NDFIP2: variants seen among roughly 807,000 people sequenced by gnomAD.
NDFIP2 encodes the protein NEDD4 family-interacting protein 2.
Under a neutral mutation model 36.0 loss-of-function variants are expected in NDFIP2, and 19 were observed. The observed-to-expected ratio is 0.53, with a 90% confidence interval of 0.37 to 0.77. The LOEUF (loss-of-function observed/expected upper bound fraction) is 0.77. Among genes scored for constraint, NDFIP2 ranks in the 30% least tolerant of loss-of-function variants. The pLI, the probability that NDFIP2 is intolerant of heterozygous loss-of-function variation, is 0.00. For missense variants in NDFIP2, 446 were observed against 435.8 expected (o/e 1.02, Z -0.21); for synonymous variants, 181 against 167.7 (o/e 1.08, Z -0.61).
At chr13:79,507,850 G>A (rs1289653357) in intron 1 of NDFIP2, among the ~76,000 whole-genome samples, 3 of 150,964 alleles carry the variant, frequency 2.0e-5, no homozygotes, top group Admixed American at 2.0e-4. Context: ...TTTAAGAAAT[G>A]AAATAAAGTT....
intron 4 of NDFIP2, among the ~76,000 whole-genome samples, chr13:79,543,292 A>G (rs117750691): frequency 6.6e-6 from 1 of 152,384 alleles, no homozygotes; most frequent in Non-Finnish European, 1.5e-5. Flanking sequence ...TTATAACTGC[A>G]GTTACAACCA....
chr13:79,539,803 G>A, intron 4 of NDFIP2, 28 bp downstream of exon 4: 1 of 1,597,740 alleles, frequency 6.3e-7, no homozygotes, highest in South Asian at 1.1e-5. Flanking sequence ...ACTATTTTGG[G>A]TTGTTTTTAT....
intron 1 of NDFIP2, among the ~76,000 whole-genome samples, chr13:79,508,790 C>G (rs1873965698): frequency 6.6e-6 from 1 of 152,166 alleles, no homozygotes; most frequent in African/African-American, 2.4e-5. Context: ...TTACCCAGTT[C>G]CTATTCAAGA....
rs1353210363 is a variant in NDFIP2, at chr13:79,507,531, C to G, written c.322-13279C>G. On this transcript the variant is annotated intron_variant, in intron 1 of 7. Coordinates refer to ENST00000218652, the MANE Select transcript of NDFIP2 (RefSeq NM_019080.3). ...CCTCGTGATCCGCCCGCCTCGGCCT[C>G]CCAAAGTGCTGGGATTACAGGCGTG... is the stretch of plus-strand genomic sequence containing the variant. Among the ~76,000 whole-genome samples the G allele has an allele frequency of 4.1e-5, 3 of 73,474 alleles. 1 individual carries two copies. The highest frequency in any genetic ancestry group is 6.7e-5 in the Non-Finnish European group (3 of 44,550). The allele number at this position is 73,474 out of a possible 152,430, so 48.2% of individuals were successfully genotyped here.
At chr13:79,533,549 T>TACTAAAAACA in intron 3 of NDFIP2, 93 bp downstream of exon 3, 1 of 1,211,722 alleles carries the variant, frequency 8.3e-7, no homozygotes, top group Non-Finnish European at 1.1e-6. Flanking sequence ...TGTGTGTAAG[T>TACTAAAAACA]GTGTATGTAG....
At chr13:79,520,748 G>C in intron 1 of NDFIP2, 62 bp from the exon 2 acceptor site, 1 of 1,444,564 alleles carries the variant, frequency 6.9e-7, no homozygotes, top group Non-Finnish European at 9.3e-7. Flanking sequence ...GATAAAATCA[G>C]CTTAAAATTT....
Position 79,552,550 on chromosome 13 carries a change from T to C in NDFIP2, c.*37T>C, listed in dbSNP as rs183469703. 2.0e-5 allele frequency: 3 copies of C among 152,014 alleles called. No homozygotes were observed. The highest frequency in any genetic ancestry group is 7.2e-5 in the African/African-American group (3 of 41,524). 9.4% of individuals were successfully genotyped at this position (152,014 alleles called of 1,614,324 possible). A position where few individuals can be genotyped will look rare whatever the true frequency, so the allele number is the denominator to read the frequency against. On this transcript the variant is annotated 3_prime_UTR_variant, in exon 8 of 8. Transcript: ENST00000218652. Reference sequence around the variant, plus strand: ...ACCCGACATTCCTTTCTTATACCAATGTGAAATTTCCAGATCATCTGTAAA... The same window carrying C: ...ACCCGACATTCCTTTCTTATACCAACGTGAAATTTCCAGATCATCTGTAAA...
intron 1 of NDFIP2, among the ~76,000 whole-genome samples, chr13:79,513,861 A>G (rs191873228): frequency 1.3e-3 from 199 of 152,298 alleles, no homozygotes; most frequent in African/African-American, 4.6e-3. Flanking sequence ...GGTAAATAGA[A>G]TTTTGAAGAG....
At chr13:79,506,700 C>A (rs1383848930) in intron 1 of NDFIP2, among the ~76,000 whole-genome samples, 1 of 152,044 alleles carries the variant, frequency 6.6e-6, no homozygotes, top group Non-Finnish European at 1.5e-5. Context: ...GCACCCAGAT[C>A]TTACCAACCA....
At chr13:79,520,699 T>A (rs1183414436) in intron 1 of NDFIP2, 111 bp from the exon 2 acceptor site, 1 of 1,010,266 alleles carries the variant, frequency 9.9e-7, no homozygotes. Flanking sequence ...AATGCCATTT[T>A]CTTTGTGTTT....
intron 1 of NDFIP2, among the ~76,000 whole-genome samples, chr13:79,487,096 A>G (rs1873028775): frequency 2.0e-5 from 3 of 152,168 alleles, no homozygotes; most frequent in Admixed American, 2.0e-4. Context: ...TTGGAGAGAC[A>G]CAAACATTCA....
At chr13:79,530,102 G>A (rs1034099866) in intron 2 of NDFIP2, among the ~76,000 whole-genome samples, 5 of 152,080 alleles carry the variant, frequency 3.3e-5, no homozygotes, top group African/African-American at 1.2e-4. Context: ...GATGGCTACT[G>A]ACTGATCAGG....
At chr13:79,526,739 G>A (rs1388235240) in intron 2 of NDFIP2, among the ~76,000 whole-genome samples, 1 of 152,188 alleles carries the variant, frequency 6.6e-6, no homozygotes, top group Non-Finnish European at 1.5e-5. Context: ...TTAAAAAGAA[G>A]TGGCTGGTCA....
intron 1 of NDFIP2, among the ~76,000 whole-genome samples, chr13:79,520,289 A>G (rs915184126): frequency 6.6e-6 from 1 of 152,168 alleles, no homozygotes; most frequent in Non-Finnish European, 1.5e-5. Flanking sequence ...TGGCTATGTT[A>G]TTAGGATTTT....
Position 79,548,346 on chromosome 13 carries a change from G to A in NDFIP2, c.859G>A (p.Gly287Arg), listed in dbSNP as rs373812761. The change falls in exon 6 of 8, where the codon GGA becomes AGA. Residue 287 changes from glycine to arginine, a missense_variant. Gly to Arg is a moderately radical substitution (Grantham distance 125). Around this residue, in one of 2 missense-constraint regions of NDFIP2, gnomAD observed 77 missense variants for 131.0 expected, o/e 0.59. Coordinates refer to ENST00000218652, the MANE Select transcript of NDFIP2 (RefSeq NM_019080.3). The part of the protein sequence containing the change: ...LIVRFSDYFT[G>R]YFNGQYWLWW... ...TCCATAGTTTTCTGATTATTTTACT[G>A]GATATTTCAATGGACAGTATTGGCT... The A allele has an allele frequency of 5.0e-6, 8 of 1,588,658 alleles. No individual in the cohort carries two copies.
At chr13:79,502,457 A>G (rs1873703081) in intron 1 of NDFIP2, among the ~76,000 whole-genome samples, 1 of 152,204 alleles carries the variant, frequency 6.6e-6, no homozygotes, top group Non-Finnish European at 1.5e-5. Flanking sequence ...GGTCAGAGAC[A>G]GTATCCGTAG....
intron 1 of NDFIP2, 68 bp downstream of exon 1, chr13:79,481,592 T>A: frequency 6.8e-7 from 1 of 1,467,582 alleles, no homozygotes; most frequent in Non-Finnish European, 9.1e-7. Flanking sequence ...GTCCCTTTCC[T>A]CAGGTTATTC....
chr13:79,486,539 A>G (rs1359541442), intron 1 of NDFIP2, among the ~76,000 whole-genome samples: 1 of 152,212 alleles, frequency 6.6e-6, no homozygotes, highest in Non-Finnish European at 1.5e-5. Flanking sequence ...TTGAGGTAAA[A>G]TCAATGTATA....
At chr13:79,507,273 T>A (rs79483150) in intron 1 of NDFIP2, among the ~76,000 whole-genome samples, 419 of 17,398 alleles carry the variant, frequency 0.024, 33 homozygotes, top group Middle Eastern at 0.19. Flanking sequence ...TTGAGTTTTT[T>A]TTTTTTTTTT....
Sources: allele counts gnomAD v4.1 joint callset (sites outside exome capture counted in the v4.1 genomes callset), GRCh38; gene constraint gnomAD v4.1.1; regional missense constraint gnomAD v4.1.1; transcripts MANE v1.5; gene names NCBI Gene and HGNC (gene_info 2026-07-23, HGNC 2026-07-21).